Variants in CFAP61 observed in about 807,000 individuals in gnomAD.
CFAP61 encodes cilia and flagella associated protein 61.
A neutral mutation model predicts 135.6 loss-of-function variants in CFAP61; 107 were observed. The ratio of observed to expected loss-of-function variants is 0.79; its 90% CI spans 0.67 to 0.93. CFAP61 has a LOEUF of 0.93. CFAP61 is among the 40% of genes least tolerant of loss of function. The pLI is 0.00. For missense variants in CFAP61, 1,507 were observed against 1,556.2 expected (o/e 0.97, Z 0.53); for synonymous variants, 575 against 578.5 (o/e 0.99, Z 0.09).
Position 20,123,971 on chromosome 20 carries a change from GTTTTT to G in CFAP61, c.860-18868_860-18864del, listed in dbSNP as rs35528584. Among the ~76,000 whole-genome samples, 4 of 65,268 alleles carry G rather than the reference GTTTTT, an allele frequency of 6.1e-5. 1 individual carries two copies. The highest frequency in any genetic ancestry group is 1.2e-4 in the African/African-American group (2 of 16,640). The allele number at this position is 65,268 out of a possible 152,430, so 42.8% of individuals were successfully genotyped here. On this transcript the variant is annotated intron_variant, in intron 8 of 26. Coordinates refer to ENST00000245957, the MANE Select transcript of CFAP61 (RefSeq NM_015585.4). ...CCTTCTTGGTTATGTATATTCCTAA[GTTTTT>G]TTTTTTTTTTTTTTTTTGCATGCTA...
intron 13 of CFAP61, among the ~76,000 whole-genome samples, chr20:20,180,675 A>C (rs1380096862): frequency 1.3e-5 from 2 of 152,246 alleles, no homozygotes; most frequent in Admixed American, 1.3e-4. Flanking sequence ...TATCCAAAGG[A>C]ATATAAATCA....
intron 2 of CFAP61, among the ~76,000 whole-genome samples, chr20:20,057,575 T>A (rs1284055148): frequency 6.6e-6 from 1 of 152,246 alleles, no homozygotes; most frequent in Non-Finnish European, 1.5e-5. Flanking sequence ...TCACAGCCGC[T>A]GCTGTTAAAG....
chr20:20,253,043 A>G (rs2051087465), intron 20 of CFAP61, among the ~76,000 whole-genome samples: 1 of 152,248 alleles, frequency 6.6e-6, no homozygotes, highest in African/African-American at 2.4e-5. Context: ...ATACCTTAGA[A>G]TAGCACCTCT....
intron 8 of CFAP61, among the ~76,000 whole-genome samples, chr20:20,137,027 G>A (rs2050982835): frequency 6.6e-6 from 1 of 152,140 alleles, no homozygotes; most frequent in South Asian, 2.1e-4. Flanking sequence ...CACCTTGGTG[G>A]TCTTGGATAA....
intron 8 of CFAP61, among the ~76,000 whole-genome samples, chr20:20,133,133 G>T (rs1445192747): frequency 3.9e-5 from 6 of 152,124 alleles, no homozygotes; most frequent in Non-Finnish European, 8.8e-5. Flanking sequence ...CATTTTCAAA[G>T]AATCAGCCTC....
intron 8 of CFAP61, 30 bp downstream of exon 8, chr20:20,098,844 G>A: frequency 6.3e-7 from 1 of 1,592,108 alleles, no homozygotes; most frequent in Non-Finnish European, 8.6e-7. Flanking sequence ...GACACACTGG[G>A]AAATTAAATC....
chr20:20,301,770 A>G (rs925744713), intron 25 of CFAP61, among the ~76,000 whole-genome samples: 1 of 152,218 alleles, frequency 6.6e-6, no homozygotes, highest in African/African-American at 2.4e-5. Context: ...TGTGTTGGTT[A>G]TATATTTTTA....
chr20:20,232,497 A>G (rs2049221710), intron 18 of CFAP61, among the ~76,000 whole-genome samples: 1 of 152,056 alleles, frequency 6.6e-6, no homozygotes, highest in Non-Finnish European at 1.5e-5. Context: ...CAGCATTGAT[A>G]TCACCTGTGA....
At chr20:20,311,144 A>T (rs750506498) in intron 25 of CFAP61, among the ~76,000 whole-genome samples, 7 of 152,190 alleles carry the variant, frequency 4.6e-5, no homozygotes, top group Admixed American at 6.5e-5. Flanking sequence ...AGTATCTCTC[A>T]TAGCTAACTA....
intron 25 of CFAP61, among the ~76,000 whole-genome samples, chr20:20,311,580 G>A (rs968116013): frequency 4.6e-5 from 7 of 152,046 alleles, no homozygotes; most frequent in South Asian, 2.1e-4. Context: ...CCGAGAGTCC[G>A]GGGAGACCAA....
At chr20:20,074,184 A>C (rs916541434) in intron 3 of CFAP61, 118 bp from the exon 4 acceptor site, 18 of 793,192 alleles carry the variant, frequency 2.3e-5, no homozygotes, top group Middle Eastern at 3.1e-4. Flanking sequence ...TAAAATATCA[A>C]CCCTAAATGC....
intron 8 of CFAP61, among the ~76,000 whole-genome samples, chr20:20,118,257 C>G (rs111415005): frequency 0.033 from 1,505 of 46,046 alleles, 31 homozygotes; most frequent in African/African-American, 0.078. Context: ...AGGTATGTTT[C>G]TTTCTTTCTT....
intron 15 of CFAP61, among the ~76,000 whole-genome samples, chr20:20,195,911 T>A (rs564027410): frequency 1.3e-5 from 2 of 152,130 alleles, no homozygotes; most frequent in African/African-American, 4.8e-5. Flanking sequence ...AAACCCTATC[T>A]CTACTAGAAT....
intron 25 of CFAP61, among the ~76,000 whole-genome samples, chr20:20,336,932 C>T (rs566472820): frequency 3.3e-5 from 5 of 152,318 alleles, no homozygotes; most frequent in African/African-American, 1.2e-4. Flanking sequence ...GGGGCAGGGG[C>T]TTTCTCTCAC....
intron 7 of CFAP61, among the ~76,000 whole-genome samples, chr20:20,091,834 C>T (rs889077846): frequency 6.6e-5 from 10 of 152,136 alleles, no homozygotes; most frequent in South Asian, 2.1e-4. Flanking sequence ...TGCGCCACCA[C>T]GCCCAGCTAA....
chr20:20,079,464 A>G (rs1325598229), intron 6 of CFAP61, among the ~76,000 whole-genome samples: 3 of 152,086 alleles, frequency 2.0e-5, no homozygotes, highest in Non-Finnish European at 4.4e-5. Context: ...GGAGAAAGTC[A>G]CTGCTCTTCA....
At chr20:20,258,402 C>T (rs2147001537) in intron 20 of CFAP61, 1 of 152,192 alleles carries the variant, frequency 6.6e-6, no homozygotes, top group Non-Finnish European at 1.5e-5. Context: ...CAGAAGTGTA[C>T]TTGCAATATG....
At chr20:20,066,354 T>G (rs1600390733) in intron 2 of CFAP61, among the ~76,000 whole-genome samples, 2 of 152,282 alleles carry the variant, frequency 1.3e-5, no homozygotes, top group East Asian at 1.9e-4. Flanking sequence ...TATAAATCAT[T>G]CTACTATAAA....
chr20:20,125,963 A>G (rs1263763836), intron 8 of CFAP61, among the ~76,000 whole-genome samples: 1 of 151,744 alleles, frequency 6.6e-6, no homozygotes, highest in African/African-American at 2.4e-5. Flanking sequence ...ACCATTATAT[A>G]ATGTCCCTCT....
Sources: gnomAD v4.1 joint callset for allele counts (sites outside exome capture counted in the v4.1 genomes callset) on GRCh38, gnomAD v4.1.1 for gene constraint, MANE v1.5 for transcripts, NCBI Gene and HGNC (gene_info 2026-07-23, HGNC 2026-07-21) for gene names.